The following GPM6B variants were observed in gnomAD, a reference collection of about 807,000 sequenced individuals.
GPM6B encodes glycoprotein M6B.
A neutral mutation model predicts 27.2 loss-of-function variants in GPM6B; 4 were observed. The observed-to-expected ratio is 0.15, with a 90% CI of 0.07 to 0.34. The LOEUF (loss-of-function observed/expected upper bound fraction) is 0.34. Among genes scored for constraint, GPM6B ranks in the 10% least tolerant of loss-of-function variants. GPM6B has a pLI of 1.00. For synonymous variants in GPM6B, 124 were observed against 103.1 expected (o/e 1.20, Z -1.23); for missense variants, 183 against 261.9 (o/e 0.70, Z 2.08).
At chrX:13,778,409 G>A (rs932336068) in intron 5 of GPM6B, among the ~76,000 whole-genome samples, 2 of 112,454 alleles carry the variant, frequency 1.8e-5, no homozygotes. Context: ...GACAAGCAGA[G>A]TCTATGATTT....
chrX:13,793,548 C>T (rs1316666792), intron 2 of GPM6B, among the ~76,000 whole-genome samples: 1 of 112,101 alleles, frequency 8.9e-6, no homozygotes, highest in South Asian at 3.7e-4. Flanking sequence ...TCTAAGGTTA[C>T]AATACATAAT....
At chrX:13,900,118 C>T (rs963907249) in intron 1 of GPM6B, among the ~76,000 whole-genome samples, 2 of 111,334 alleles carry the variant, frequency 1.8e-5, no homozygotes, top group Non-Finnish European at 3.8e-5. Flanking sequence ...GTCACTTGTT[C>T]GGTAATGCCT....
At position 13,846,790 on chromosome X, in the gene GPM6B, C is replaced by CTTTT. The variant is rs10656571; in HGVS notation, c.-197-60986_-197-60983dup. ...TTACAGGCGTGAGCCACTGCGCCAG[C>CTTTT]TTTTTTTTTTTTTTTTTTTTAAACT... On this transcript the variant is annotated intron_variant, in intron 1 of 6. Coordinates refer to the GPM6B transcript ENST00000398361. Among the ~76,000 whole-genome samples, 269 of 85,389 alleles carry CTTTT rather than the reference C, an allele frequency of 3.2e-3. 18 individuals carry two copies. The highest frequency in any genetic ancestry group is 0.01 in the African/African-American group (221 of 21,501). The allele number at this position is 85,389 out of a possible 115,157, so 74.2% of individuals were successfully genotyped here. A position where few individuals can be genotyped will look rare whatever the true frequency, so the allele number is the denominator to read the frequency against.
At chrX:13,785,091 C>CT (rs2048584601) in intron 3 of GPM6B, among the ~76,000 whole-genome samples, 2 of 111,470 alleles carry the variant, frequency 1.8e-5, no homozygotes, top group Non-Finnish European at 3.8e-5. Flanking sequence ...ATGTGTGCAC[C>CT]TTACCATTCC....
intron 1 of GPM6B, among the ~76,000 whole-genome samples, chrX:13,860,214 T>TA (rs1358098701): frequency 1.8e-5 from 2 of 112,512 alleles, no homozygotes; most frequent in South Asian, 3.7e-4. Context: ...TATTCATCAC[T>TA]AACCTCTCTT....
intron 1 of GPM6B, among the ~76,000 whole-genome samples, chrX:13,894,763 C>T (rs1250566019): frequency 2.7e-5 from 3 of 112,173 alleles, no homozygotes; most frequent in African/African-American, 6.5e-5. Flanking sequence ...GCTATGGAAC[C>T]ACTTTACATG....
chrX:13,917,341 T>C (rs2050439163), intron 1 of GPM6B, among the ~76,000 whole-genome samples: 1 of 112,839 alleles, frequency 8.9e-6, no homozygotes, highest in Non-Finnish European at 1.9e-5. Context: ...CCTAGAGCAA[T>C]AACCTTCTGT....
At chrX:13,827,962 G>A (rs963806498) in intron 1 of GPM6B, among the ~76,000 whole-genome samples, 2 of 110,811 alleles carry the variant, frequency 1.8e-5, no homozygotes, top group African/African-American at 6.6e-5. Context: ...TACCTGTCGG[G>A]CTGCCAGGAA....
intron 1 of GPM6B, among the ~76,000 whole-genome samples, chrX:13,845,750 G>C (rs2049638293): frequency 9.0e-6 from 1 of 111,685 alleles, no homozygotes; most frequent in Admixed American, 9.5e-5. Context: ...CACTTCTATG[G>C]GATGCTTTAG....
intron 1 of GPM6B, among the ~76,000 whole-genome samples, chrX:13,904,173 T>C (rs906387925): frequency 3.4e-4 from 38 of 112,295 alleles, no homozygotes; most frequent in African/African-American, 1.2e-3. Context: ...ATATATGTAA[T>C]CATTTAATTT....
intron 1 of GPM6B, chrX:13,889,088 CAACCCCACCGCAGATCAACAG>C (rs761780826): frequency 2.7e-5 from 3 of 111,665 alleles, no homozygotes; most frequent in South Asian, 3.9e-4. Flanking sequence ...TACTGATGCC[CAACCCCACCGCAGATCAACAG>C]AACCTGAAGA....
At chrX:13,862,709 G>T (rs73453287) in intron 1 of GPM6B, among the ~76,000 whole-genome samples, 3,097 of 110,909 alleles carry the variant, frequency 0.028, 107 homozygotes, top group African/African-American at 0.096. Flanking sequence ...TTTATTTTTT[G>T]ATACAGGGTC....
chrX:13,808,999 C>G (rs1454775493), intron 1 of GPM6B, among the ~76,000 whole-genome samples: 1 of 112,248 alleles, frequency 8.9e-6, no homozygotes, highest in African/African-American at 3.2e-5. Flanking sequence ...AAGATCAGAA[C>G]TGCACAATGA....
intron 1 of GPM6B, among the ~76,000 whole-genome samples, chrX:13,885,729 C>A (rs778820588): frequency 9.0e-6 from 1 of 111,506 alleles, no homozygotes; most frequent in Non-Finnish European, 1.9e-5. Context: ...GTCCCACCCC[C>A]CTCCATCTTA....
At chrX:13,805,726 C>A (rs912606163) in intron 2 of GPM6B, among the ~76,000 whole-genome samples, 11 of 111,671 alleles carry the variant, frequency 9.9e-5, no homozygotes, top group African/African-American at 3.6e-4. Flanking sequence ...TTCTTTTATT[C>A]CCCCCCAATA....
At chrX:13,851,163 CAAAA>C (rs10652819) in intron 1 of GPM6B, among the ~76,000 whole-genome samples, 5 of 60,210 alleles carry the variant, frequency 8.3e-5, no homozygotes, top group Non-Finnish European at 1.2e-4. Flanking sequence ...ACTCCATCTC[CAAAA>C]AAAAAAAAAA....
intron 1 of GPM6B, among the ~76,000 whole-genome samples, chrX:13,842,419 G>T (rs1326091903): frequency 9.0e-6 from 1 of 111,582 alleles, no homozygotes; most frequent in Middle Eastern, 4.2e-3. Context: ...AACACATTAC[G>T]TCGGTAGGAG....
chrX:13,829,607 G>A (rs1333920426), intron 1 of GPM6B, among the ~76,000 whole-genome samples: 2 of 110,597 alleles, frequency 1.8e-5, no homozygotes, highest in Non-Finnish European at 3.8e-5. Context: ...CACTCCACCC[G>A]GTCCCACCCC....
At chrX:13,887,660 C>CA (rs969737801) in intron 1 of GPM6B, among the ~76,000 whole-genome samples, 2 of 111,885 alleles carry the variant, frequency 1.8e-5, no homozygotes, top group African/African-American at 6.5e-5. Flanking sequence ...TGTAAGTATT[C>CA]AAAATACAGC....
Sources: allele counts gnomAD v4.1 joint callset (sites outside exome capture counted in the v4.1 genomes callset), GRCh38; gene constraint gnomAD v4.1.1; transcripts MANE v1.5; gene names NCBI Gene and HGNC (gene_info 2026-07-23, HGNC 2026-07-21).